Variants in SMC4 observed in about 807,000 individuals in gnomAD.
SMC4 encodes the protein structural maintenance of chromosomes protein 4.
SMC4 carries 87 observed loss-of-function variants against 145.6 expected under a neutral mutation model. The ratio of observed to expected loss-of-function variants is 0.60; its 90% confidence interval spans 0.50 to 0.71. The LOEUF is 0.71. Ranked by LOEUF, SMC4 falls within the 30% of genes least tolerant of loss-of-function variation. SMC4 has a pLI of 0.00. For missense variants in SMC4, 1,447 were observed against 1,537.1 expected (o/e 0.94, Z 0.98); for synonymous variants, 558 against 500.7 (o/e 1.11, Z -1.53).
At position 160,433,727 on chromosome 3, in the gene SMC4, T is replaced by G; in HGVS notation, c.3785T>G (p.Leu1262Arg). 6.3e-7 allele frequency: 1 copy of G among 1,590,526 alleles called. No homozygotes were observed. The change falls in exon 24 of 24, where the codon CTT becomes CGT. Residue 1262 changes from leucine (L) to arginine (R), a missense_variant. Physicochemically the swap from Leu to Arg is moderately radical, Grantham distance 102. Transcript: ENST00000357388. ...AATATGTTTGAGATTTCGGATAGAC[T>G]TATTGGAATTTACAAGACATACAAC... is the stretch of plus-strand genomic sequence containing the variant. ...RNNMFEISDR[L>R]IGIYKTYNIT...
In SMC4 at chr3:160,401,558, T is replaced by A. The variant is rs74954472; in HGVS notation, c.140-357T>A. The stretch of plus-strand genomic sequence containing the variant: ...GAGAATTGCATCTAGAGCCTTAGGA[T>A]TTAACCTCCTGTTTAGGATAGGCAG... On this transcript the variant is annotated intron_variant, in intron 2 of 23. Coordinates refer to ENST00000357388, the MANE Select transcript of SMC4 (RefSeq NM_001002800.3). Among the ~76,000 whole-genome samples, 1,435 of 152,264 alleles carry A rather than the reference T, an allele frequency of 9.4e-3. 27 individuals are homozygous for A. The highest frequency in any genetic ancestry group is 0.032 in the African/African-American group (1,331 of 41,540).
chr3:160,406,766 G>A (rs993130928), intron 5 of SMC4, among the ~76,000 whole-genome samples: 1 of 152,032 alleles, frequency 6.6e-6, no homozygotes, highest in South Asian at 2.1e-4. Context: ...TTTTCAAGTA[G>A]GCATTTTTAT....
In SMC4 at chr3:160,431,165, T is replaced by C. The variant is rs891006194; in HGVS notation, c.3074T>C (p.Ile1025Thr). The change falls in exon 20 of 24, where the codon ATT becomes ACT. Residue 1025 changes from isoleucine to threonine, a missense_variant. Ile to Thr is a moderately conservative substitution (Grantham distance 89). Transcript: ENST00000357388. ...KLKLEQIDGHIAEHNSKIKYW... is the reference protein window; with the variant it reads ...KLKLEQIDGHTAEHNSKIKYW... ...AAACTTGAACAAATAGATGGTCACA[T>C]TGCTGAACATAATTCTAAAATAAAA... 14 of 1,594,882 alleles carry C rather than the reference T, an allele frequency of 8.8e-6. No homozygotes were observed. Among genetic ancestry groups the C allele is most frequent in the Non-Finnish European group, 1.2e-5 (14 of 1,174,188 alleles).
intron 5 of SMC4, among the ~76,000 whole-genome samples, chr3:160,407,997 G>A (rs529626430): frequency 6.6e-6 from 1 of 152,132 alleles, no homozygotes; most frequent in East Asian, 1.9e-4. Context: ...ATTGGAGGAA[G>A]ATAAAGAACA....
intron 3 of SMC4, 36 bp from the exon 4 acceptor site, chr3:160,402,640 A>G (rs1478830936): frequency 1.3e-6 from 2 of 1,583,250 alleles, no homozygotes; most frequent in Non-Finnish European, 1.7e-6. Flanking sequence ...GACCTTATGA[A>G]CTTTTCCGTG....
At position 160,413,627 on chromosome 3, in the gene SMC4, G is replaced by A; in HGVS notation, c.1121+14G>A. The A allele has an allele frequency of 1.6e-6, 2 of 1,278,516 alleles. No homozygotes were observed. The highest frequency in any genetic ancestry group is 1.1e-6 in the Non-Finnish European group (1 of 918,902). 79.2% of individuals were successfully genotyped at this position (1,278,516 alleles called of 1,614,324 possible). ...AGATACAGAAAAGTAATAATATTTT[G>A]GGAAGTACTAAAAGTATTTAGATAA... On this transcript the variant is annotated intron_variant, in intron 8 of 23. Transcript: ENST00000357388.
intron 21 of SMC4, 140 bp from the exon 22 acceptor site, chr3:160,432,143 C>A (rs747692270): frequency 5.5e-5 from 37 of 676,412 alleles, no homozygotes; most frequent in Non-Finnish European, 7.7e-5. Context: ...TGGAGGTTGC[C>A]GTGAGCCGAG....
chr3:160,400,562 C>G (rs1418119003), intron 1 of SMC4: 1 of 426,806 alleles, frequency 2.3e-6, no homozygotes, highest in Non-Finnish European at 4.1e-6. Flanking sequence ...ACAACAACAA[C>G]AAACTAAGCA....
In SMC4 at chr3:160,433,967, T is replaced by C. The variant is rs1486177914; in HGVS notation, c.*158T>C. On this transcript the variant is annotated 3_prime_UTR_variant, in exon 24 of 24. Coordinates refer to ENST00000357388, the MANE Select transcript of SMC4 (RefSeq NM_001002800.3). ...GTCATTTGTAAAGTCTAATAAAATA[T>C]TCTCTATAATTGCTTCTAGATTACA... is the stretch of plus-strand genomic sequence containing the variant. 1.6e-5 allele frequency: 8 copies of C among 512,030 alleles called. No homozygotes were observed. The highest frequency in any genetic ancestry group is 2.4e-5 in the Non-Finnish European group (7 of 295,004). The allele number at this position is 512,030 out of a possible 1,614,324, so 31.7% of individuals were successfully genotyped here.
intron 6 of SMC4, 105 bp from the exon 7 acceptor site, chr3:160,412,221 T>A (rs1375880876): frequency 1.4e-6 from 2 of 1,417,120 alleles, no homozygotes; most frequent in South Asian, 2.8e-5. Context: ...ACATTTAAGA[T>A]GAACATTCTC....
intron 5 of SMC4, among the ~76,000 whole-genome samples, chr3:160,409,183 G>A (rs1477314732): frequency 5.4e-5 from 8 of 147,796 alleles, no homozygotes; most frequent in African/African-American, 9.9e-5. Flanking sequence ...GGAGAATGGC[G>A]TGAACCCGGG....
rs932009429 is a variant in SMC4 at position 160,426,166 on chromosome 3, A to G, written c.2571A>G (p.Lys857=). ...LATAPDKKKQ[K]LLEENVSAFK... ...CAGCCCCTGACAAAAAAAAGCAGAAATTGCTAGAAGAAAACGTTAGTGCTT... is the reference window on the plus strand; with the variant it reads ...CAGCCCCTGACAAAAAAAAGCAGAAGTTGCTAGAAGAAAACGTTAGTGCTT... Residue 857 remains lysine, a synonymous_variant, in exon 17 of 24, where the codon AAA becomes AAG. Coordinates refer to ENST00000357388, the MANE Select transcript of SMC4 (RefSeq NM_001002800.3). 9 of 1,610,588 alleles carry G rather than the reference A, an allele frequency of 5.6e-6. No individual in the cohort carries two copies. The highest frequency in any genetic ancestry group is 7.6e-6 in the Non-Finnish European group (9 of 1,178,388).
rs749358415 is a variant in SMC4 at position 160,424,847 on chromosome 3, A to G, written c.2326-20A>G. On this transcript the variant is annotated intron_variant, in intron 15 of 23. Transcript: ENST00000357388. ...TTTCTGTCAATCTGAAATGGCTCTT[A>G]GAGAAAACTTTCTTTGTAGGTAAAC... 2 of 1,612,382 alleles carry G rather than the reference A, an allele frequency of 1.2e-6. No homozygotes were observed. Among genetic ancestry groups the G allele is most frequent in the East Asian group, 2.2e-5 (1 of 44,828 alleles).
At chr3:160,408,767 G>A (rs1298961022) in intron 5 of SMC4, among the ~76,000 whole-genome samples, 1 of 152,090 alleles carries the variant, frequency 6.6e-6, no homozygotes, top group East Asian at 1.9e-4. Flanking sequence ...TTACATAGGA[G>A]ATGGCACAAA....
At chr3:160,404,596 T>C (rs1207555209) in intron 5 of SMC4, 92 bp downstream of exon 5, 1 of 1,128,980 alleles carries the variant, frequency 8.9e-7, no homozygotes, top group Non-Finnish European at 1.4e-6. Context: ...TTTTGAGGCC[T>C]TAAAGTACTG....
At chr3:160,414,877 G>A (rs953334165) in intron 9 of SMC4, among the ~76,000 whole-genome samples, 2 of 152,174 alleles carry the variant, frequency 1.3e-5, no homozygotes, top group Admixed American at 6.5e-5. Flanking sequence ...TTGACTTTGA[G>A]TTTTAAAGTT....
chr3:160,412,494 T>G (rs778818395), intron 7 of SMC4, 41 bp downstream of exon 7: 14 of 1,556,658 alleles, frequency 9.0e-6, no homozygotes, highest in Middle Eastern at 3.9e-4. Flanking sequence ...TATATTAGTT[T>G]TTAACCATTA....
chr3:160,427,758 C>T (rs1242279199), intron 17 of SMC4, among the ~76,000 whole-genome samples: 1 of 152,126 alleles, frequency 6.6e-6, no homozygotes, highest in East Asian at 1.9e-4. Context: ...CTACAGTAAA[C>T]CATTATATCG....
chr3:160,415,569 C>G (rs991262234), intron 9 of SMC4, among the ~76,000 whole-genome samples: 16 of 152,232 alleles, frequency 1.1e-4, no homozygotes, highest in African/African-American at 3.9e-4. Context: ...AAAATACTTT[C>G]TGCTTAGCAC....
Sources: gnomAD v4.1 joint callset for allele counts (sites outside exome capture counted in the v4.1 genomes callset) on GRCh38, gnomAD v4.1.1 for gene constraint, MANE v1.5 for transcripts, NCBI Gene and HGNC (gene_info 2026-07-23, HGNC 2026-07-21) for gene names.